The following DIAPH3 variants were observed in gnomAD, a reference collection of about 807,000 sequenced individuals.
The protein encoded by DIAPH3 is protein diaphanous homolog 3.
Under a neutral mutation model 144.3 loss-of-function variants are expected in DIAPH3, and 117 were observed. The observed-to-expected ratio is 0.81, with a 90% CI of 0.70 to 0.95. The LOEUF (loss-of-function observed/expected upper bound fraction) is 0.95. Among genes scored for constraint, DIAPH3 ranks in the 40% least tolerant of loss-of-function variants. DIAPH3 has a pLI of 0.00. For synonymous variants in DIAPH3, 519 were observed against 488.9 expected, an observed-to-expected ratio of 1.06 and a Z score of -0.81; for missense variants, 1,421 against 1,412.7, an observed-to-expected ratio of 1.01 and a Z score of -0.09.
At chr13:59,855,735 GAA>G (rs1042826997) in intron 22 of DIAPH3, among the ~76,000 whole-genome samples, 1 of 142,044 alleles carries the variant, frequency 7.0e-6, no homozygotes, top group Non-Finnish European at 1.5e-5. Flanking sequence ...ACAGGAAAAT[GAA>G]AAAAAAAAAG....
intron 27 of DIAPH3, among the ~76,000 whole-genome samples, chr13:59,714,253 G>C (rs1007678736): frequency 2.0e-5 from 3 of 149,736 alleles, no homozygotes; most frequent in Non-Finnish European, 4.5e-5. Context: ...CCAGCTACTT[G>C]GGAGGCTGAG....
In DIAPH3 at chr13:59,813,672, G is replaced by A. The variant is rs548840871; in HGVS notation, c.3028-2749C>T. On this transcript the variant is annotated intron_variant, in intron 24 of 27. Coordinates refer to ENST00000400324, the MANE Select transcript of DIAPH3 (RefSeq NM_001042517.2). ...AGATTGAGACCATCCTGGCCAACAT[G>A]GTGAAACCCCGTCTCTACTAAAAAT... Among the ~76,000 whole-genome samples the A allele has an allele frequency of 4.6e-5, 7 of 152,028 alleles. No homozygotes were observed. In the South Asian group the frequency reaches 8.3e-4, roughly 18 times the overall value.
At chr13:59,983,135 TC>T (rs558612696) in intron 13 of DIAPH3, among the ~76,000 whole-genome samples, 28,138 of 84,244 alleles carry the variant, frequency 0.33, 4,178 homozygotes, top group African/African-American at 0.44. Flanking sequence ...TAATGCTTTA[TC>T]TTTAAAAAAA....
chr13:59,868,142 C>T (rs1055932832), intron 21 of DIAPH3, among the ~76,000 whole-genome samples: 3 of 152,130 alleles, frequency 2.0e-5, no homozygotes, highest in South Asian at 2.1e-4. Flanking sequence ...TAGTAACATA[C>T]GTCAAAAATT....
intron 4 of DIAPH3, among the ~76,000 whole-genome samples, chr13:60,088,565 C>T (rs192465639): frequency 3.9e-5 from 6 of 152,110 alleles, no homozygotes; most frequent in East Asian, 3.9e-4. Context: ...GAAAGTAGAA[C>T]GGCAAATAGA....
At chr13:60,140,089 C>T (rs2059393146) in intron 1 of DIAPH3, among the ~76,000 whole-genome samples, 1 of 152,170 alleles carries the variant, frequency 6.6e-6, no homozygotes, top group Non-Finnish European at 1.5e-5. Flanking sequence ...AAGCTTATCG[C>T]AACTACTAAA....
intron 25 of DIAPH3, among the ~76,000 whole-genome samples, chr13:59,778,267 G>A (rs2038530386): frequency 6.6e-6 from 1 of 152,128 alleles, no homozygotes; most frequent in Non-Finnish European, 1.5e-5. Context: ...CCAGTGGTCT[G>A]TAATACATAT....
intron 5 of DIAPH3, among the ~76,000 whole-genome samples, chr13:60,034,915 A>C (rs2055098014): frequency 6.6e-6 from 1 of 152,182 alleles, no homozygotes; most frequent in Non-Finnish European, 1.5e-5. Flanking sequence ...GTTAAAAATG[A>C]AGATTTTGGA....
At chr13:59,848,167 A>G (rs189788556) in intron 22 of DIAPH3, among the ~76,000 whole-genome samples, 260 of 152,196 alleles carry the variant, frequency 1.7e-3, no homozygotes, top group African/African-American at 6.0e-3. Flanking sequence ...GGTTTTACTC[A>G]TTCTACCATT....
chr13:59,866,110 A>C (rs2139967077), intron 21 of DIAPH3, among the ~76,000 whole-genome samples: 1 of 152,126 alleles, frequency 6.6e-6, no homozygotes, highest in South Asian at 2.1e-4. Flanking sequence ...TTTTAGAAGA[A>C]TACAACCTGT....
chr13:59,743,740 T>A (rs2036575217), intron 27 of DIAPH3, among the ~76,000 whole-genome samples: 1 of 152,204 alleles, frequency 6.6e-6, no homozygotes, highest in African/African-American at 2.4e-5. Flanking sequence ...AATGGGATAT[T>A]TGTAAAGCAT....
intron 4 of DIAPH3, among the ~76,000 whole-genome samples, chr13:60,065,335 T>C (rs1238585442): frequency 2.0e-5 from 3 of 148,506 alleles, no homozygotes; most frequent in Non-Finnish European, 3.0e-5. Context: ...CCTATATTAA[T>C]AATAGTAAAA....
At chr13:59,677,334 G>A (rs531628045) in intron 27 of DIAPH3, among the ~76,000 whole-genome samples, 3 of 151,440 alleles carry the variant, frequency 2.0e-5, no homozygotes, top group East Asian at 1.9e-4. Flanking sequence ...AGACTAGAAC[G>A]GTACTGTCCA....
chr13:59,754,440 CT>C (rs1392879479), intron 27 of DIAPH3, among the ~76,000 whole-genome samples: 2 of 152,114 alleles, frequency 1.3e-5, no homozygotes, highest in African/African-American at 4.8e-5. Context: ...CTAAAATAGA[CT>C]CCCACTCCTC....
At chr13:59,906,896 C>G (rs2046770367) in intron 20 of DIAPH3, among the ~76,000 whole-genome samples, 1 of 152,184 alleles carries the variant, frequency 6.6e-6, no homozygotes, top group African/African-American at 2.4e-5. Flanking sequence ...AAGCATGCCA[C>G]TGTGAACACA....
chr13:60,010,792 A>C (rs1270659326), intron 7 of DIAPH3, 123 bp from the exon 8 acceptor site: 2 of 954,056 alleles, frequency 2.1e-6, no homozygotes, highest in Admixed American at 4.8e-5. Flanking sequence ...AAGCTAAAAA[A>C]TATAGACTGT....
intron 17 of DIAPH3, among the ~76,000 whole-genome samples, chr13:59,933,571 A>C (rs1184018273): frequency 6.6e-6 from 1 of 152,220 alleles, no homozygotes; most frequent in Admixed American, 6.5e-5. Context: ...TCAGATTATT[A>C]GTGCCATCTA....
At chr13:59,983,928 G>A (rs2140728528) in intron 12 of DIAPH3, 41 bp from the exon 13 acceptor site, 1 of 1,343,032 alleles carries the variant, frequency 7.4e-7, no homozygotes, top group Non-Finnish European at 1.1e-6. Flanking sequence ...TTGATAATTA[G>A]TGTAACTTTA....
intron 9 of DIAPH3, among the ~76,000 whole-genome samples, chr13:60,006,409 CTT>C (rs2052879261): frequency 6.6e-6 from 1 of 152,034 alleles, no homozygotes; most frequent in Non-Finnish European, 1.5e-5. Flanking sequence ...TTTCATAAAA[CTT>C]TTACTCTCAA....
Sources: gnomAD v4.1 joint callset for allele counts (sites outside exome capture counted in the v4.1 genomes callset) on GRCh38, gnomAD v4.1.1 for gene constraint, MANE v1.5 for transcripts, NCBI Gene and HGNC (gene_info 2026-07-23, HGNC 2026-07-21) for gene names.